The following GLTP variants were observed in gnomAD, a reference collection of about 807,000 sequenced individuals.
GLTP encodes glycolipid transfer protein.
In GLTP, 22 loss-of-function variants were observed where a neutral mutation model predicts 24.0. The observed-to-expected ratio is 0.92, with a 90% CI of 0.65 to 1.31. GLTP has a LOEUF of 1.31. Ranked by LOEUF, GLTP falls within the 50% of genes most tolerant of loss-of-function variation. GLTP has a pLI of 0.00. For missense variants in GLTP, 224 were observed against 276.6 expected (o/e 0.81, Z 1.35); for synonymous variants, 92 against 115.9 (o/e 0.79, Z 1.33).
Position 109,857,691 on chromosome 12 carries a change from G to A in GLTP, c.163-32C>T. ...TGGAGCACACAAGATTTCCCCTTGG[G>A]TAAGCTGCCCCCATAGACATCTGGC... On this transcript the variant is annotated intron_variant, in intron 2 of 4. Transcript: ENST00000318348. The surrounding 1 kb of genome is among the most constrained non-coding windows in gnomAD (Gnocchi z 4.3). 1 of 1,613,808 alleles carries A rather than the reference G, an allele frequency of 6.2e-7. No homozygotes were observed. Among genetic ancestry groups the A allele is most frequent in the South Asian group, 1.1e-5 (1 of 91,078 alleles).
At chr12:109,876,326 T>A (rs1010133069) in intron 1 of GLTP, among the ~76,000 whole-genome samples, 1 of 151,882 alleles carries the variant, frequency 6.6e-6, no homozygotes, top group African/African-American at 2.4e-5. Flanking sequence ...CTGGGCAATA[T>A]AACAAGATCC....
At chr12:109,865,966 A>G (rs1455598861) in intron 1 of GLTP, among the ~76,000 whole-genome samples, 1 of 152,204 alleles carries the variant, frequency 6.6e-6, no homozygotes, top group Non-Finnish European at 1.5e-5. Flanking sequence ...AACCTCCTAT[A>G]TGGGGGAGAC....
chr12:109,858,865 C>A, intron 1 of GLTP, 124 bp from the exon 2 acceptor site: 1 of 709,020 alleles, frequency 1.4e-6, no homozygotes. Flanking sequence ...CTGAGTTGTT[C>A]TGGATGTTAC....
At position 109,857,621 on chromosome 12, in the gene GLTP, G is replaced by A; in HGVS notation, c.201C>T (p.Phe67=). ...CCTCCAGGATGTTCTGCAGGGTCCG[G>A]AACTTGGCTGGGTTGGTGTCGTACA... ...KAVYDTNPAK[F]RTLQNILEVE... The change falls in exon 3 of 5, where the codon TTC becomes TTT. Residue 67 remains phenylalanine (F), a synonymous_variant. Transcript: ENST00000318348. The surrounding 1 kb of genome is among the most constrained non-coding windows in gnomAD (Gnocchi z 4.3). 6.2e-7 allele frequency: 1 copy of A among 1,614,082 alleles called. No individual in the cohort carries two copies. Among genetic ancestry groups the A allele is most frequent in the Non-Finnish European group, 8.5e-7 (1 of 1,179,956 alleles).
chr12:109,872,118 T>C lies in GLTP; in HGVS notation c.103+8154A>G, dbSNP rs1192861183. 2.0e-5 allele frequency among the ~76,000 whole-genome samples: 3 copies of C among 152,378 alleles called. No homozygotes were observed. The East Asian group carries it at 5.8e-4, about 29-fold the overall frequency. On this transcript the variant is annotated intron_variant, in intron 1 of 4. Transcript: ENST00000318348. ...TGGGCGGGTGCCACTGGTCTGTATGTACTCTGGCCTTTGGACATTATAAAG... is the reference window on the plus strand; with the variant it reads ...TGGGCGGGTGCCACTGGTCTGTATGCACTCTGGCCTTTGGACATTATAAAG...
intron 1 of GLTP, among the ~76,000 whole-genome samples, chr12:109,879,401 C>T (rs1364676277): frequency 1.3e-5 from 2 of 152,140 alleles, no homozygotes; most frequent in African/African-American, 2.4e-5. Context: ...CATCTGGGGC[C>T]TTGGCTGGAC....
rs1438815424 is a variant in GLTP at position 109,867,809 on chromosome 12, G to A, written c.104-9068C>T. Among the ~76,000 whole-genome samples, 393 of 141,166 alleles carry A rather than the reference G, an allele frequency of 2.8e-3. 3 individuals carry two copies. Among genetic ancestry groups the A allele is most frequent in the African/African-American group, 9.4e-3 (352 of 37,548 alleles). 92.6% of individuals were successfully genotyped at this position (141,166 alleles called of 152,430 possible). ...TTTTTTTTTTTTGAGACGGAGTCTC[G>A]CTCTGTCGCCCAGGCTGGAGTGCAC... is the stretch of plus-strand genomic sequence containing the variant. On this transcript the variant is annotated intron_variant, in intron 1 of 4. Transcript: ENST00000318348.
chr12:109,865,646 C>G (rs1414275396), intron 1 of GLTP, among the ~76,000 whole-genome samples: 1 of 151,656 alleles, frequency 6.6e-6, no homozygotes, highest in African/African-American at 2.4e-5. Context: ...TTTGCCCAGG[C>G]CAGTCTCCAA....
At position 109,880,477 on chromosome 12, in the gene GLTP, C is replaced by G. The variant is rs1342039981; in HGVS notation, c.-103G>C. The G allele has an allele frequency of 3.3e-6, 1 of 306,490 alleles. No individual in the cohort carries two copies. The highest frequency in any genetic ancestry group is 5.6e-5 in the Admixed American group (1 of 17,986). 19.0% of individuals were successfully genotyped at this position (306,490 alleles called of 1,614,324 possible). On this transcript the variant is annotated 5_prime_UTR_variant, in exon 1 of 5. Transcript: ENST00000318348. This position sits in a 1 kb window ranked among gnomAD's most constrained non-coding sequence, Gnocchi z 5.1. ...CGCCGGGGCCGTCACAGCCGCCCGC[C>G]GCAGGCTCCGGGGACGCCAGCGTCG...
At chr12:109,867,527 G>C (rs1424108702) in intron 1 of GLTP, among the ~76,000 whole-genome samples, 2 of 152,126 alleles carry the variant, frequency 1.3e-5, no homozygotes, top group Non-Finnish European at 2.9e-5. Flanking sequence ...CACCAATGAG[G>C]GGTTTCATGC....
chr12:109,855,343 G>A lies in GLTP; in HGVS notation c.447+276C>T, dbSNP rs764948245. On this transcript the variant is annotated intron_variant, in intron 4 of 4. Coordinates refer to ENST00000318348, the MANE Select transcript of GLTP (RefSeq NM_016433.4). The surrounding 1 kb of genome is among the most constrained non-coding windows in gnomAD (Gnocchi z 4.1). The stretch of plus-strand genomic sequence containing the variant: ...AGGGCTTTCCCTGTGGTTTCTCGTC[G>A]CCCCACCATCAGGCCTTGCAGGCCA... Among the ~76,000 whole-genome samples the A allele has an allele frequency of 1.3e-5, 2 of 152,130 alleles. No individual in the cohort carries two copies. Among genetic ancestry groups the A allele is most frequent in the South Asian group, 2.1e-4 (1 of 4,826 alleles).
At chr12:109,868,712 G>A (rs987477647) in intron 1 of GLTP, among the ~76,000 whole-genome samples, 1 of 152,138 alleles carries the variant, frequency 6.6e-6, no homozygotes, top group Non-Finnish European at 1.5e-5. Context: ...CAAATTCAAT[G>A]GTTTTTTTCA....
At chr12:109,877,290 A>C (rs1209442716) in intron 1 of GLTP, among the ~76,000 whole-genome samples, 5 of 152,256 alleles carry the variant, frequency 3.3e-5, no homozygotes, top group Non-Finnish European at 7.3e-5. Flanking sequence ...TACATAGAGT[A>C]CTTAGCACAT....
In GLTP at chr12:109,865,951, A is replaced by C. The variant is rs188769307; in HGVS notation, c.104-7210T>G. Among the ~76,000 whole-genome samples the C allele has an allele frequency of 1.0e-3, 157 of 152,302 alleles. 1 individual carries two copies. Among genetic ancestry groups the C allele is most frequent in the African/African-American group, 3.4e-3 (140 of 41,550 alleles). ...AAACCAATAAATCTAATTATAAAAA[A>C]CAGAAACCTCCTATATGGGGGAGAC... is the stretch of plus-strand genomic sequence containing the variant. On this transcript the variant is annotated intron_variant, in intron 1 of 4. Transcript: ENST00000318348.
At chr12:109,852,942 T>C (rs1892746380) in intron 4 of GLTP, among the ~76,000 whole-genome samples, 1 of 152,184 alleles carries the variant, frequency 6.6e-6, no homozygotes. Context: ...CAGACAAGCC[T>C]AGATGCAAAT....
At chr12:109,869,145 C>T (rs1295453936) in intron 1 of GLTP, among the ~76,000 whole-genome samples, 2 of 151,500 alleles carry the variant, frequency 1.3e-5, no homozygotes, top group Non-Finnish European at 2.9e-5. Context: ...ACTAAAAATA[C>T]AAAAATGAGT....
At chr12:109,859,641 A>G (rs1892846866) in intron 1 of GLTP, 1 of 152,190 alleles carries the variant, frequency 6.6e-6, no homozygotes, top group Admixed American at 6.5e-5. Context: ...TTTATAATAG[A>G]AAAAAGCTCA....
At chr12:109,877,012 C>A (rs917351686) in intron 1 of GLTP, among the ~76,000 whole-genome samples, 2 of 152,076 alleles carry the variant, frequency 1.3e-5, no homozygotes, top group South Asian at 4.1e-4. Context: ...ACCTCAACAC[C>A]CAGCTAATTT....
chr12:109,852,373 C>CAGAA lies in GLTP; in HGVS notation c.*181_*182insTTCT. 3.6e-6 allele frequency: 1 copy of CAGAA among 281,244 alleles called. No homozygotes were observed. Among genetic ancestry groups the CAGAA allele is most frequent in the Non-Finnish European group, 6.4e-6 (1 of 155,666 alleles). The allele number at this position is 281,244 out of a possible 1,614,324, so 17.4% of individuals were successfully genotyped here. On this transcript the variant is annotated 3_prime_UTR_variant, in exon 5 of 5. Coordinates refer to ENST00000318348, the MANE Select transcript of GLTP (RefSeq NM_016433.4). ...TATTTACTGGTCCTTTAGAATAGACCAAAAAAAAAAAAAAAAAAGACTTAA... is the reference window on the plus strand; with the variant it reads ...TATTTACTGGTCCTTTAGAATAGACCAGAAAAAAAAAAAAAAAAAAAAGACTTAA...
Sources: gnomAD v4.1 joint callset for allele counts (sites outside exome capture counted in the v4.1 genomes callset) on GRCh38, gnomAD v4.1.1 for gene constraint, Gnocchi (gnomAD v3.1) non-coding constraint, MANE v1.5 for transcripts, NCBI Gene and HGNC (gene_info 2026-07-23, HGNC 2026-07-21) for gene names.